PCDHA4: variants seen among roughly 807,000 people sequenced by gnomAD.
PCDHA4 encodes protocadherin alpha 4.
Under a neutral mutation model 61.4 loss-of-function variants are expected in PCDHA4, and 49 were observed. The ratio of observed to expected loss-of-function variants is 0.80; its 90% CI spans 0.63 to 1.01. The LOEUF (loss-of-function observed/expected upper bound fraction) is 1.01, where lower values mean the gene tolerates loss of function less well. Ranked by LOEUF, PCDHA4 falls within the 50% of genes least tolerant of loss-of-function variation. PCDHA4 has a pLI of 0.00. For missense variants in PCDHA4, 1,254 were observed against 1,235.8 expected (o/e 1.01, Z -0.22); for synonymous variants, 590 against 550.3 (o/e 1.07, Z -1.01).
intron 1 of PCDHA4, chr5:140,871,547 A>T: frequency 6.7e-7 from 1 of 1,498,966 alleles, no homozygotes; most frequent in Non-Finnish European, 8.9e-7. Flanking sequence ...AATTATTTAA[A>T]ATCCAGTTTT....
intron 1 of PCDHA4, chr5:140,869,536 T>G: frequency 6.2e-7 from 1 of 1,614,170 alleles, no homozygotes; most frequent in Non-Finnish European, 8.5e-7. Flanking sequence ...GATTGCGGAA[T>G]CTAAGCAATC....
chr5:140,923,566 C>T lies in PCDHA4; in HGVS notation c.2386-55383C>T, dbSNP rs149499154. ...AAATGAAATATCAGCAATGAAAGGT[C>T]CTGCTAAAGAGAAGGTTTGTTAATT... On this transcript the variant is annotated intron_variant, in intron 1 of 3. Coordinates refer to ENST00000530339, the MANE Select transcript of PCDHA4 (RefSeq NM_018907.4). 8.1e-3 allele frequency among the ~76,000 whole-genome samples: 1,228 copies of T among 152,208 alleles called. 6 individuals carry two copies. The highest frequency in any genetic ancestry group is 0.019 in the African/African-American group (794 of 41,538).
Position 141,010,405 on chromosome 5 carries a change from C to G in PCDHA4, c.*468C>G. On this transcript the variant is annotated 3_prime_UTR_variant, in exon 4 of 4. Transcript: ENST00000530339. ...ATTGGCTGAGACGAGCCAGCTTAGA[C>G]TAATTGGTACAAGGAAGGCAAGAAA... 1 of 1,260,098 alleles carries G rather than the reference C, an allele frequency of 7.9e-7. No homozygotes were observed. Among genetic ancestry groups the G allele is most frequent in the South Asian group, 1.6e-5 (1 of 64,208 alleles). 78.1% of individuals were successfully genotyped at this position (1,260,098 alleles called of 1,614,324 possible). A position where few individuals can be genotyped will look rare whatever the true frequency, so the allele number is the denominator to read the frequency against.
At position 140,835,207 on chromosome 5, in the gene PCDHA4, G is replaced by A. The variant is rs2150231838; in HGVS notation, c.2385+25635G>A. The A allele has an allele frequency of 5.0e-5, 79 of 1,567,382 alleles. No individual in the cohort carries two copies. Among genetic ancestry groups the A allele is most frequent in the Non-Finnish European group, 6.5e-5 (75 of 1,153,980 alleles). On this transcript the variant is annotated intron_variant, in intron 1 of 3. Coordinates refer to ENST00000530339, the MANE Select transcript of PCDHA4 (RefSeq NM_018907.4). Reference sequence around the variant, plus strand: ...TCAGATTTAGACGAAGGCTTGAATGGGGATATTATTTACTCCTTCTCCAGT... The same window carrying A: ...TCAGATTTAGACGAAGGCTTGAATGAGGATATTATTTACTCCTTCTCCAGT...
chr5:140,848,279 C>A, intron 1 of PCDHA4: 1 of 591,730 alleles, frequency 1.7e-6, no homozygotes, highest in Admixed American at 3.0e-5. Flanking sequence ...GAAATATGTA[C>A]TTACACTTTG....
chr5:140,932,346 A>G lies in PCDHA4; in HGVS notation c.2386-46603A>G, dbSNP rs529573484. 2.6e-5 allele frequency among the ~76,000 whole-genome samples: 4 copies of G among 152,072 alleles called. No homozygotes were observed. In the South Asian group the frequency reaches 6.2e-4, roughly 24 times the overall value. ...AGCAAAAATGCATGAAACACTTACCATACAACTGGCCTTATTAAATTTCCA... is the reference window on the plus strand; with the variant it reads ...AGCAAAAATGCATGAAACACTTACCGTACAACTGGCCTTATTAAATTTCCA... On this transcript the variant is annotated intron_variant, in intron 1 of 3. Coordinates refer to ENST00000530339, the MANE Select transcript of PCDHA4 (RefSeq NM_018907.4).
chr5:140,868,245 C>T (rs1264028092), intron 1 of PCDHA4: 1 of 152,002 alleles, frequency 6.6e-6, no homozygotes, highest in Non-Finnish European at 1.5e-5. Context: ...GATCAATAGA[C>T]TTTTCCTTTG....
chr5:140,971,165 G>A (rs1390176241), intron 1 of PCDHA4, among the ~76,000 whole-genome samples: 1 of 152,136 alleles, frequency 6.6e-6, no homozygotes, highest in Non-Finnish European at 1.5e-5. Context: ...GCTCAGCTTT[G>A]CCACCAGCTG....
intron 1 of PCDHA4, chr5:140,828,176 G>A (rs2150151842): frequency 3.1e-6 from 5 of 1,614,128 alleles, no homozygotes; most frequent in Non-Finnish European, 3.4e-6. Flanking sequence ...GGTGGGGAGC[G>A]GCCAGCTCCA....
intron 1 of PCDHA4, chr5:140,870,781 A>T: frequency 2.5e-6 from 4 of 1,613,654 alleles, no homozygotes; most frequent in Non-Finnish European, 3.4e-6. Flanking sequence ...CGAGAACGAC[A>T]ACGCGCCGGC....
intron 1 of PCDHA4, chr5:140,870,259 T>G: frequency 6.2e-7 from 1 of 1,614,190 alleles, no homozygotes; most frequent in African/African-American, 1.3e-5. Flanking sequence ...ACAGGTGACC[T>G]GCTCGCTGAC....
intron 1 of PCDHA4, chr5:140,835,993 C>T: frequency 6.2e-7 from 1 of 1,613,346 alleles, no homozygotes; most frequent in Non-Finnish European, 8.5e-7. Context: ...CAGGTGAGCG[C>T]GCGCGATGCG....
chr5:140,957,169 A>T (rs868935808), intron 1 of PCDHA4, among the ~76,000 whole-genome samples: 16 of 152,164 alleles, frequency 1.1e-4, no homozygotes, highest in African/African-American at 3.9e-4. Flanking sequence ...CTAAGTATAT[A>T]AATTGGTTTA....
chr5:140,825,885 A>T (rs1768750702), intron 1 of PCDHA4: 1 of 152,452 alleles, frequency 6.6e-6, no homozygotes, highest in African/African-American at 2.4e-5. Flanking sequence ...AGAGTTGTTT[A>T]TTAAAGCTGT....
intron 1 of PCDHA4, among the ~76,000 whole-genome samples, chr5:140,885,740 GTTACT>G (rs1554182262): frequency 2.6e-5 from 4 of 152,016 alleles, no homozygotes; most frequent in African/African-American, 9.7e-5. Context: ...ATATTTCACT[GTTACT>G]TTAATTTTAA....
chr5:140,876,723 C>A (rs782820769), intron 1 of PCDHA4: 15 of 1,614,132 alleles, frequency 9.3e-6, no homozygotes, highest in East Asian at 2.2e-5. Context: ...ACCGCGAGAG[C>A]GTGTCGGCCT....
intron 1 of PCDHA4, among the ~76,000 whole-genome samples, chr5:140,950,750 C>T (rs1320735521): frequency 3.3e-5 from 5 of 151,928 alleles, no homozygotes; most frequent in Non-Finnish European, 7.4e-5. Flanking sequence ...TCTCTCTATC[C>T]TTTCTGGACT....
Position 140,836,433 on chromosome 5 carries a change from T to C in PCDHA4, c.2385+26861T>C, listed in dbSNP as rs2150260977. The C allele has an allele frequency of 1.3e-4, 215 of 1,613,692 alleles. 2 individuals are homozygous for C. Among genetic ancestry groups the C allele is most frequent in the Non-Finnish European group, 2.4e-5 (28 of 1,179,856 alleles). ...ACCAAAGGCGTCGTCGCGGGCATCG[T>C]TGGGCATTGCAGGCCCAGAGACCGA... On this transcript the variant is annotated intron_variant, in intron 1 of 3. Transcript: ENST00000530339.
chr5:140,870,500 A>G, intron 1 of PCDHA4: 2 of 1,614,228 alleles, frequency 1.2e-6, no homozygotes, highest in East Asian at 2.2e-5. Flanking sequence ...GTGAAGGAGA[A>G]CAACCCACCA....
Sources: gnomAD v4.1 joint callset for allele counts (sites outside exome capture counted in the v4.1 genomes callset) on GRCh38, gnomAD v4.1.1 for gene constraint, MANE v1.5 for transcripts, NCBI Gene and HGNC (gene_info 2026-07-23, HGNC 2026-07-21) for gene names.